SYN3: variants seen among roughly 807,000 people sequenced by gnomAD.
SYN3 encodes synapsin-3.
A neutral mutation model predicts 65.8 loss-of-function variants in SYN3; 35 were observed. The ratio of observed to expected loss-of-function variants is 0.53; its 90% CI spans 0.41 to 0.70. The LOEUF is 0.70. Among genes scored for constraint, SYN3 ranks in the 30% least tolerant of loss-of-function variants. SYN3 has a pLI of 0.00. For missense variants in SYN3, 680 were observed against 749.0 expected, an observed-to-expected ratio of 0.91 and a Z score of 1.08; for synonymous variants, 270 against 292.9, an observed-to-expected ratio of 0.92 and a Z score of 0.80.
intron 4 of SYN3, among the ~76,000 whole-genome samples, chr22:32,877,521 G>A (rs1353992590): frequency 1.3e-5 from 2 of 152,122 alleles, no homozygotes; most frequent in African/African-American, 4.8e-5. Context: ...GATATTAGGA[G>A]CATCTCTGGC....
In SYN3 at chr22:32,586,163, C is replaced by G. The variant is rs1046608840; in HGVS notation, c.774+10511G>C. Among the ~76,000 whole-genome samples the G allele has an allele frequency of 6.0e-5, 9 of 150,844 alleles. No individual in the cohort carries two copies. The South Asian group carries it at 6.3e-4, about 11-fold the overall frequency. ...ACATATACACATATACACACAAACA[C>G]ATGCACACACATGCAAATATACACA... is the stretch of plus-strand genomic sequence containing the variant. On this transcript the variant is annotated intron_variant, in intron 7 of 13. Coordinates refer to ENST00000358763, the MANE Select transcript of SYN3 (RefSeq NM_003490.4).
intron 6 of SYN3, among the ~76,000 whole-genome samples, chr22:32,678,906 C>T (rs2060483730): frequency 6.6e-6 from 1 of 152,044 alleles, no homozygotes; most frequent in Non-Finnish European, 1.5e-5. Context: ...GTTTGTCTTT[C>T]TGTAGCTGAC....
intron 3 of SYN3, among the ~76,000 whole-genome samples, chr22:32,958,081 G>A (rs2051523258): frequency 6.6e-6 from 1 of 152,176 alleles, no homozygotes; most frequent in Non-Finnish European, 1.5e-5. Flanking sequence ...GCACTTCTGA[G>A]ACAACAACAT....
intron 6 of SYN3, among the ~76,000 whole-genome samples, chr22:32,762,145 T>C (rs1381441098): frequency 5.3e-5 from 8 of 152,252 alleles, no homozygotes; most frequent in Non-Finnish European, 8.8e-5. Flanking sequence ...AGCACGTTTA[T>C]AGCAGTGGGG....
At position 32,993,742 on chromosome 22, in the gene SYN3, G is replaced by C. The variant is rs201907277; in HGVS notation, c.311+12610C>G. On this transcript the variant is annotated intron_variant, in intron 2 of 13. Transcript: ENST00000358763. ...TGTCATTGTGATAGAAAGTCTTTTG[G>C]GGGCCATGCTCCTAGGCCAACCTCA... is the stretch of plus-strand genomic sequence containing the variant. 7.2e-5 allele frequency among the ~76,000 whole-genome samples: 11 copies of C among 151,922 alleles called. No individual in the cohort carries two copies. The East Asian group carries it at 2.1e-3, about 29-fold the overall frequency.
intron 6 of SYN3, among the ~76,000 whole-genome samples, chr22:32,702,685 A>G (rs898077086): frequency 6.6e-6 from 1 of 152,194 alleles, no homozygotes; most frequent in Non-Finnish European, 1.5e-5. Context: ...ATTAAAATCA[A>G]AGTGCCATTG....
At chr22:32,664,935 A>G (rs887701673) in intron 6 of SYN3, among the ~76,000 whole-genome samples, 4 of 147,050 alleles carry the variant, frequency 2.7e-5, no homozygotes, top group African/African-American at 1.0e-4. Context: ...TTTATCCCTC[A>G]ACCCCTCCCA....
At chr22:32,775,323 T>A (rs2045882617) in intron 6 of SYN3, among the ~76,000 whole-genome samples, 1 of 152,126 alleles carries the variant, frequency 6.6e-6, no homozygotes, top group Non-Finnish European at 1.5e-5. Flanking sequence ...TATCACTAAA[T>A]ACAGCTGCAC....
chr22:32,636,257 C>G (rs1303064246), intron 6 of SYN3, among the ~76,000 whole-genome samples: 1 of 152,056 alleles, frequency 6.6e-6, no homozygotes, highest in East Asian at 1.9e-4. Flanking sequence ...AAAAAATCAG[C>G]CGGGCGTGGT....
chr22:32,981,478 G>A (rs1056652594), intron 2 of SYN3, among the ~76,000 whole-genome samples: 2 of 151,648 alleles, frequency 1.3e-5, no homozygotes, highest in African/African-American at 2.4e-5. Flanking sequence ...ACAGCTACCC[G>A]GGAGGCTGAG....
intron 4 of SYN3, among the ~76,000 whole-genome samples, chr22:32,888,356 G>C (rs2049351574): frequency 6.6e-6 from 1 of 152,068 alleles, no homozygotes; most frequent in South Asian, 2.1e-4. Context: ...TTGGGGAAAA[G>C]TCTAGCAGGG....
At position 32,693,898 on chromosome 22, in the gene SYN3, T is replaced by C. The variant is rs2060701413; in HGVS notation, c.712-97162A>G. ...GTGCCCGGCCTGTAACTTATACTTT[T>C]ATTGAACATCTTTATTTTTGTAGAA... On this transcript the variant is annotated intron_variant, in intron 6 of 13. Transcript: ENST00000358763. 3.9e-5 allele frequency among the ~76,000 whole-genome samples: 6 copies of C among 152,286 alleles called. No individual in the cohort carries two copies. The South Asian group carries it at 1.0e-3, about 26-fold the overall frequency.
At chr22:32,538,709 C>T (rs980576639) in intron 8 of SYN3, among the ~76,000 whole-genome samples, 8 of 110,056 alleles carry the variant, frequency 7.3e-5, no homozygotes, top group Non-Finnish European at 1.1e-4. Flanking sequence ...ATCTTTGCCT[C>T]CCTAAGTCCT....
intron 6 of SYN3, among the ~76,000 whole-genome samples, chr22:32,749,279 C>T (rs1028603285): frequency 1.5e-4 from 23 of 150,140 alleles, no homozygotes; most frequent in Non-Finnish European, 2.7e-4. Flanking sequence ...GCCTTCATGA[C>T]CTAATCACCT....
chr22:32,856,190 G>A (rs867355801), intron 6 of SYN3, among the ~76,000 whole-genome samples: 19 of 152,262 alleles, frequency 1.2e-4, no homozygotes, highest in Middle Eastern at 3.4e-3. Context: ...CTGAGTTCAC[G>A]GGACTCAGGT....
intron 1 of SYN3, among the ~76,000 whole-genome samples, chr22:33,036,661 G>C (rs936380433): frequency 7.1e-6 from 1 of 140,796 alleles, no homozygotes. Flanking sequence ...TTTTTTAAAT[G>C]CTGTAAAGCC....
In SYN3 at chr22:32,578,200, CTCTCTT is replaced by C. The variant is rs1364430393; in HGVS notation, c.774+18468_774+18473del. ...TCTTTCTTTCTCTTTCTTTCTTTCT[CTCTCTT>C]TCTTTTTCTTTCTTTCTTTTCTTTC... On this transcript the variant is annotated intron_variant, in intron 7 of 13. Transcript: ENST00000358763. 2.6e-5 allele frequency among the ~76,000 whole-genome samples: 4 copies of C among 151,482 alleles called. No homozygotes were observed. In the East Asian group the frequency reaches 5.8e-4, roughly 22 times the overall value.
At chr22:32,650,756 C>G (rs146652710) in intron 6 of SYN3, among the ~76,000 whole-genome samples, 1 of 152,082 alleles carries the variant, frequency 6.6e-6, no homozygotes, top group Admixed American at 6.5e-5. Flanking sequence ...CTCACTATGC[C>G]GCGTGTTTAC....
intron 6 of SYN3, among the ~76,000 whole-genome samples, chr22:32,757,671 A>T (rs1294073489): frequency 2.6e-5 from 4 of 152,196 alleles, no homozygotes; most frequent in Non-Finnish European, 5.9e-5. Flanking sequence ...GACCCCGACT[A>T]TCAAGATGAA....
Sources: allele counts gnomAD v4.1 joint callset (sites outside exome capture counted in the v4.1 genomes callset), GRCh38; gene constraint gnomAD v4.1.1; transcripts MANE v1.5; gene names NCBI Gene and HGNC (gene_info 2026-07-23, HGNC 2026-07-21).